SLC1A7: variants seen among roughly 807,000 people sequenced by gnomAD.
The protein encoded by SLC1A7 is excitatory amino acid transporter 5.
In SLC1A7, 40 loss-of-function variants were observed where a neutral mutation model predicts 47.7. The ratio of observed to expected loss-of-function variants is 0.84; its 90% CI spans 0.65 to 1.09. SLC1A7 has a LOEUF of 1.09. SLC1A7 is among the 50% of genes least tolerant of loss of function. SLC1A7 has a pLI of 0.00. For synonymous variants in SLC1A7, 323 were observed against 325.6 expected, an observed-to-expected ratio of 0.99 and a Z score of 0.09; for missense variants, 746 against 769.5, an observed-to-expected ratio of 0.97 and a Z score of 0.36.
chr1:53,125,429 T>C (rs1350864061), intron 2 of SLC1A7, among the ~76,000 whole-genome samples: 2 of 152,206 alleles, frequency 1.3e-5, no homozygotes, highest in Non-Finnish European at 2.9e-5. Context: ...TATGGAAAAC[T>C]GTGCCCATTT....
In SLC1A7 at chr1:53,129,297, G is replaced by T. The variant is rs138321551; in HGVS notation, c.215+5053C>A. Among the ~76,000 whole-genome samples the T allele has an allele frequency of 2.8e-3, 421 of 152,256 alleles. 12 individuals carry two copies. The highest frequency in any genetic ancestry group is 5.1e-3 in the Non-Finnish European group (350 of 67,980). ...TTTTCGTAATAACCTCGTGAAGGAG[G>T]TATTCTTCCCACTTTATAGATAAGG... On this transcript the variant is annotated intron_variant, in intron 2 of 10. Transcript: ENST00000371494.
At chr1:53,105,684 C>T (rs759232622) in intron 4 of SLC1A7, 48 bp downstream of exon 4, 7 of 1,456,652 alleles carry the variant, frequency 4.8e-6, no homozygotes, top group Admixed American at 3.3e-5. Flanking sequence ...GCCTGCCCTC[C>T]TGCCTGCTGC....
At chr1:53,103,648 T>G (rs1285391516) in intron 4 of SLC1A7, 80 bp from the exon 5 acceptor site, 2 of 784,980 alleles carry the variant, frequency 2.5e-6, no homozygotes, top group African/African-American at 3.4e-5. Flanking sequence ...AATAGCATCT[T>G]GAAGGCACAT....
chr1:53,110,114 C>A (rs926052250), intron 3 of SLC1A7, among the ~76,000 whole-genome samples: 2 of 152,224 alleles, frequency 1.3e-5, no homozygotes, highest in African/African-American at 4.8e-5. Flanking sequence ...TCTCCCAGAA[C>A]CCACCTCCAG....
rs76684449 is a variant in SLC1A7 at position 53,092,545 on chromosome 1, C to T, written c.1031+9G>A. The T allele has an allele frequency of 2.3e-3, 3,622 of 1,602,088 alleles. 78 individuals are homozygous for T. In the African/African-American group the frequency reaches 0.042, roughly 18 times the overall value. ...AGCTCCCCACCGTCCTGCCCGTCCC[C>T]GGGGCTACCTGGAGGAGGTGGCCAG... is the stretch of plus-strand genomic sequence containing the variant. On this transcript the variant is annotated intron_variant, in intron 7 of 10. Transcript: ENST00000371494.
intron 7 of SLC1A7, among the ~76,000 whole-genome samples, chr1:53,092,170 G>A (rs1180079996): frequency 2.0e-5 from 3 of 152,268 alleles, no homozygotes; most frequent in East Asian, 1.9e-4. Flanking sequence ...ACATCCCAGC[G>A]GCAGTGGACA....
chr1:53,091,067 G>T, intron 7 of SLC1A7: 1 of 1,029,168 alleles, frequency 9.7e-7, no homozygotes, highest in Non-Finnish European at 1.4e-6. Context: ...ACACTGCTGT[G>T]CCGAGGGATA....
rs116535757 is a variant in SLC1A7 at position 53,135,124 on chromosome 1, T to C, written c.136-695A>G. ...AGCCAATGTTTGGTAATCCTGAAAA[T>C]AACAGCTCTCCTCCATCTGCACCAC... On this transcript the variant is annotated intron_variant, in intron 1 of 10. Coordinates refer to ENST00000371494, the MANE Select transcript of SLC1A7 (RefSeq NM_006671.6). 9.5e-3 allele frequency among the ~76,000 whole-genome samples: 1,439 copies of C among 152,120 alleles called. 10 individuals carry two copies. Among genetic ancestry groups the C allele is most frequent in the Middle Eastern group, 0.02 (6 of 294 alleles).
intron 2 of SLC1A7, among the ~76,000 whole-genome samples, chr1:53,118,978 C>T (rs150851747): frequency 0.02 from 3,034 of 152,244 alleles, 107 homozygotes; most frequent in African/African-American, 0.069. Flanking sequence ...TCCTGAGCAA[C>T]AAGAGTGAAA....
At chr1:53,093,425 C>G (rs569663104) in intron 6 of SLC1A7, 36 bp downstream of exon 6, 616 of 1,520,588 alleles carry the variant, frequency 4.1e-4, no homozygotes, top group Non-Finnish European at 5.0e-4. Context: ...CCACCCAGGG[C>G]TGGCCGGGGT....
intron 5 of SLC1A7, among the ~76,000 whole-genome samples, chr1:53,095,630 A>G (rs1644477998): frequency 7.2e-6 from 1 of 138,068 alleles, no homozygotes; most frequent in Non-Finnish European, 1.6e-5. Flanking sequence ...GGTACACTTA[A>G]ACCCGCCTCA....
rs2150312730 is a variant in SLC1A7 at position 53,088,979 on chromosome 1, C to G, written c.1362G>C (p.Leu454=). The G allele has an allele frequency of 6.2e-7, 1 of 1,613,702 alleles. No individual in the cohort carries two copies. The highest frequency in any genetic ancestry group is 1.7e-5 in the Admixed American group (1 of 60,018). Residue 454 remains leucine, a splice_region_variant and synonymous_variant, in exon 10 of 11, where the codon CTG becomes CTC. Transcript: ENST00000371494. ...CGTTAATCATGGTGCGGAAACGGTCCCTGGTGAGCCAAGGTTGGGGGTGAG... is the reference window on the plus strand; with the variant it reads ...CGTTAATCATGGTGCGGAAACGGTCGCTGGTGAGCCAAGGTTGGGGGTGAG... ...ITLIIAVDWA[L]DRFRTMINVL...
intron 2 of SLC1A7, among the ~76,000 whole-genome samples, chr1:53,129,898 CAAAGATG>C (rs1644924509): frequency 3.2e-5 from 3 of 94,818 alleles, no homozygotes; most frequent in African/African-American, 1.2e-4. Flanking sequence ...CAGAAAAAAA[CAAAGATG>C]CACACGACCC....
At chr1:53,135,352 C>A (rs1644981269) in intron 1 of SLC1A7, among the ~76,000 whole-genome samples, 1 of 152,232 alleles carries the variant, frequency 6.6e-6, no homozygotes, top group Non-Finnish European at 1.5e-5. Flanking sequence ...CTAAGCAGAC[C>A]ATGGCCGCCT....
intron 2 of SLC1A7, among the ~76,000 whole-genome samples, chr1:53,123,545 G>A (rs1644848387): frequency 1.3e-5 from 2 of 152,312 alleles, no homozygotes; most frequent in South Asian, 2.1e-4. Context: ...CAGCGGGTGG[G>A]GAGACCAGCA....
intron 2 of SLC1A7, among the ~76,000 whole-genome samples, chr1:53,127,026 C>G (rs1644889831): frequency 8.4e-6 from 1 of 119,000 alleles, no homozygotes; most frequent in South Asian, 2.9e-4. Context: ...TCATGCCTGG[C>G]TAATTTTAAA....
At chr1:53,117,903 A>G (rs1644778598) in intron 2 of SLC1A7, among the ~76,000 whole-genome samples, 1 of 152,238 alleles carries the variant, frequency 6.6e-6, no homozygotes, top group Non-Finnish European at 1.5e-5. Context: ...CATGGACGAA[A>G]TGGAGAGAAT....
intron 3 of SLC1A7, chr1:53,108,539 T>A: frequency 1.4e-6 from 1 of 717,174 alleles, no homozygotes; most frequent in African/African-American, 1.7e-5. Flanking sequence ...GAGAGGTGAG[T>A]GGAAGTCGTT....
rs1400278602 is a variant in SLC1A7 at position 53,090,613 on chromosome 1, T to A, written c.1225A>T (p.Ser409Cys). The change falls in exon 8 of 11, where the codon AGT (serine) becomes TGT (cysteine). Residue 409 changes from serine to cysteine, a missense_variant and splice_region_variant. Ser to Cys is a moderately radical substitution (Grantham distance 112, BLOSUM62 -1). Coordinates refer to ENST00000371494, the MANE Select transcript of SLC1A7 (RefSeq NM_006671.6). ...CCCAGGTGCAGTGTCAGGGTGCACC[T>A]GATGGTGATGATCTGGCCAAAGTCC... is the stretch of plus-strand genomic sequence containing the variant. ...ELDFGQIITI[S>C]ITATAASIGA... The A allele has an allele frequency of 6.3e-7, 1 of 1,581,636 alleles. No individual in the cohort carries two copies. The highest frequency in any genetic ancestry group is 8.6e-7 in the Non-Finnish European group (1 of 1,159,626).
Sources: gnomAD v4.1 joint callset for allele counts (sites outside exome capture counted in the v4.1 genomes callset) on GRCh38, gnomAD v4.1.1 for gene constraint, MANE v1.5 for transcripts, NCBI Gene and HGNC (gene_info 2026-07-23, HGNC 2026-07-21) for gene names.